Variants in ADAMTS18 observed in about 807,000 individuals in gnomAD.
The protein encoded by ADAMTS18 is ADAM metallopeptidase with thrombospondin type 1 motif 18.
ADAMTS18 carries 157 observed loss-of-function variants against 165.9 expected under a neutral mutation model. The ratio of observed to expected loss-of-function variants is 0.95; its 90% CI spans 0.83 to 1.08. ADAMTS18 has a LOEUF of 1.08. ADAMTS18 is among the 50% of genes least tolerant of loss of function. The pLI, the probability that ADAMTS18 is intolerant of heterozygous loss-of-function variation, is 0.00. For missense variants in ADAMTS18, 2,040 were observed against 1,534.0 expected, an observed-to-expected ratio of 1.33 and a Z score of -5.51; for synonymous variants, 782 against 578.2, an observed-to-expected ratio of 1.35 and a Z score of -5.06.
At chr16:77,334,893 AC>A (rs1014639353) in intron 12 of ADAMTS18, among the ~76,000 whole-genome samples, 2 of 136,032 alleles carry the variant, frequency 1.5e-5, no homozygotes, top group African/African-American at 5.4e-5. Flanking sequence ...ATTATAATAT[AC>A]AGTATATATA....
chr16:77,377,521 C>G (rs1312425684), intron 3 of ADAMTS18, among the ~76,000 whole-genome samples: 27 of 152,120 alleles, frequency 1.8e-4, no homozygotes, highest in Admixed American at 1.3e-4. Context: ...GTAAGCATAT[C>G]TTAAAGAAGT....
Position 77,282,869 on chromosome 16 carries a change from A to G in ADAMTS18, c.*1087T>C, listed in dbSNP as rs1225552198. The G allele has an allele frequency of 2.3e-5, 3 of 131,882 alleles. No homozygotes were observed. The highest frequency in any genetic ancestry group is 4.7e-4 in the East Asian group (2 of 4,280). The allele number at this position is 131,882 out of a possible 1,614,324, so 8.2% of individuals were successfully genotyped here. The stretch of plus-strand genomic sequence containing the variant: ...ATTAACATAGCAAGAAGACAGATGG[A>G]TTTTTTTATTACCACTGTTTACTCC... On this transcript the variant is annotated 3_prime_UTR_variant, in exon 23 of 23. Transcript: ENST00000282849.
At chr16:77,321,689 G>T (rs185210573) in intron 14 of ADAMTS18, among the ~76,000 whole-genome samples, 82 of 152,074 alleles carry the variant, frequency 5.4e-4, no homozygotes, top group Non-Finnish European at 1.0e-3. Context: ...ATATAGTAAA[G>T]GTACTTAGTA....
chr16:77,376,330 C>G (rs1369645300), intron 3 of ADAMTS18, among the ~76,000 whole-genome samples: 1 of 152,194 alleles, frequency 6.6e-6, no homozygotes, highest in Non-Finnish European at 1.5e-5. Flanking sequence ...AATCCACCCC[C>G]AAGATCCAAT....
chr16:77,417,188 C>G (rs965519103), intron 3 of ADAMTS18, among the ~76,000 whole-genome samples: 8 of 151,966 alleles, frequency 5.3e-5, no homozygotes, highest in African/African-American at 1.9e-4. Context: ...TTTTGGCATT[C>G]TTATAGTCTG....
chr16:77,352,008 A>T (rs2056563441), intron 10 of ADAMTS18, among the ~76,000 whole-genome samples: 1 of 152,198 alleles, frequency 6.6e-6, no homozygotes, highest in African/African-American at 2.4e-5. Context: ...TCTTGACATT[A>T]TAAGTATAAG....
chr16:77,304,440 C>T (rs902907305), intron 16 of ADAMTS18, among the ~76,000 whole-genome samples: 2 of 152,180 alleles, frequency 1.3e-5, no homozygotes, highest in African/African-American at 4.8e-5. Flanking sequence ...CAGCCTGGGC[C>T]ATAGAGTGAG....
At chr16:77,359,289 A>C in intron 8 of ADAMTS18, 29 bp downstream of exon 8, 3 of 1,587,732 alleles carry the variant, frequency 1.9e-6, no homozygotes, top group Non-Finnish European at 2.6e-6. Flanking sequence ...TAGTTTTCAC[A>C]TAAAGTAGTG....
chr16:77,320,984 C>G (rs2055986681), intron 15 of ADAMTS18, 95 bp downstream of exon 15: 1 of 1,475,978 alleles, frequency 6.8e-7, no homozygotes, highest in Non-Finnish European at 9.5e-7. Context: ...GTCCAGTGAA[C>G]TAGTAAAAGG....
intron 12 of ADAMTS18, among the ~76,000 whole-genome samples, chr16:77,334,758 G>GTATATATACTGTATACTATAT (rs1567491959): frequency 9.9e-6 from 1 of 101,332 alleles, no homozygotes; most frequent in African/African-American, 3.8e-5. Context: ...GTATACTATA[G>GTATATATACTGTATACTATAT]TATACAGTAT....
rs1403285474 is a variant in ADAMTS18, at chr16:77,400,425, TG to T, written c.495+30869del. ...GTGAACATCCTATTTCAGGGGGAAT[TG>T]TGTGTGTGTGTGTGTGTGTGTGTGT... On this transcript the variant is annotated intron_variant, in intron 3 of 22. Coordinates refer to ENST00000282849, the MANE Select transcript of ADAMTS18 (RefSeq NM_199355.4). Among the ~76,000 whole-genome samples, 3 of 34,354 alleles carry T rather than the reference TG, an allele frequency of 8.7e-5. No homozygotes were observed. The Admixed American group carries it at 1.3e-3, about 15-fold the overall frequency. The allele number at this position is 34,354 out of a possible 152,430, so 22.5% of individuals were successfully genotyped here.
intron 16 of ADAMTS18, among the ~76,000 whole-genome samples, chr16:77,307,165 T>G (rs2055696780): frequency 6.6e-6 from 1 of 152,252 alleles, no homozygotes; most frequent in South Asian, 2.1e-4. Context: ...TGAAATATAA[T>G]AGACTTTATT....
chr16:77,351,732 T>G (rs1253275203), intron 10 of ADAMTS18, among the ~76,000 whole-genome samples: 1 of 151,674 alleles, frequency 6.6e-6, no homozygotes, highest in Non-Finnish European at 1.5e-5. Flanking sequence ...GTCTGTTAAT[T>G]TTTTTTTTCT....
chr16:77,290,252 T>C (rs562387909), intron 21 of ADAMTS18, among the ~76,000 whole-genome samples: 2 of 152,290 alleles, frequency 1.3e-5, no homozygotes, highest in South Asian at 4.1e-4. Context: ...ACGGCCTCTG[T>C]TGCAAGTACT....
chr16:77,335,106 A>T (rs1028694688), intron 12 of ADAMTS18, among the ~76,000 whole-genome samples: 1 of 148,990 alleles, frequency 6.7e-6, no homozygotes. Context: ...TTATGATAGT[A>T]TTAATCCTAC....
intron 3 of ADAMTS18, among the ~76,000 whole-genome samples, chr16:77,371,775 G>T (rs1378012767): frequency 1.3e-5 from 2 of 152,052 alleles, no homozygotes; most frequent in African/African-American, 4.8e-5. Context: ...AGAAATGGAA[G>T]TGTATCAATC....
At chr16:77,286,793 C>G (rs1427836059) in intron 22 of ADAMTS18, among the ~76,000 whole-genome samples, 2 of 152,138 alleles carry the variant, frequency 1.3e-5, no homozygotes, top group East Asian at 3.9e-4. Context: ...CACGTAAACA[C>G]CCAGTTTCAA....
At chr16:77,428,335 G>A (rs1391030036) in intron 3 of ADAMTS18, among the ~76,000 whole-genome samples, 6 of 152,098 alleles carry the variant, frequency 3.9e-5, no homozygotes, top group Admixed American at 3.9e-4. Context: ...TATTACTATA[G>A]ATGCTAATTA....
At chr16:77,356,132 G>A in intron 8 of ADAMTS18, 55 bp from the exon 9 acceptor site, 1 of 1,609,538 alleles carries the variant, frequency 6.2e-7, no homozygotes, top group Non-Finnish European at 8.5e-7. Flanking sequence ...TTTTTTGAAG[G>A]ATAATCTGAG....
Sources: allele counts gnomAD v4.1 joint callset (sites outside exome capture counted in the v4.1 genomes callset), GRCh38; gene constraint gnomAD v4.1.1; transcripts MANE v1.5; gene names NCBI Gene and HGNC (gene_info 2026-07-23, HGNC 2026-07-21).